Variants in ATP6V1H observed in about 807,000 individuals in gnomAD.
ATP6V1H encodes V-type proton ATPase subunit H.
ATP6V1H carries 39 observed loss-of-function variants against 71.7 expected under a neutral mutation model. The observed-to-expected ratio is 0.54, with a 90% CI of 0.42 to 0.71. The LOEUF is 0.71. Among genes scored for constraint, ATP6V1H ranks in the 30% least tolerant of loss-of-function variants. The pLI is 0.00. For synonymous variants in ATP6V1H, 192 were observed against 199.3 expected (o/e 0.96, Z 0.31); for missense variants, 509 against 594.9 (o/e 0.86, Z 1.50).
intron 9 of ATP6V1H, among the ~76,000 whole-genome samples, chr8:53,776,763 T>C (rs945544532): frequency 2.6e-5 from 4 of 152,088 alleles, no homozygotes; most frequent in African/African-American, 7.2e-5. Context: ...ATGTTGGAGT[T>C]TGCAGAAAAA....
At chr8:53,819,547 C>CATAGATAT (rs1810564943) in intron 4 of ATP6V1H, among the ~76,000 whole-genome samples, 1 of 35,136 alleles carries the variant, frequency 2.8e-5, no homozygotes, top group East Asian at 1.9e-3. Context: ...AAAAAAAAAG[C>CATAGATAT]ATATATATAT....
At chr8:53,820,362 G>A (rs1308302026) in intron 4 of ATP6V1H, among the ~76,000 whole-genome samples, 2 of 151,296 alleles carry the variant, frequency 1.3e-5, no homozygotes, top group Admixed American at 6.6e-5. Flanking sequence ...GAACAAAAGA[G>A]GAAACTTTAG....
At chr8:53,843,003 C>T (rs1811395113) in intron 1 of ATP6V1H, 31 bp downstream of exon 1, 1 of 152,348 alleles carries the variant, frequency 6.6e-6, no homozygotes. Context: ...GGTCTGCAGC[C>T]TGAGACCAAA....
At chr8:53,739,766 A>T (rs1361914081) in intron 13 of ATP6V1H, 1 of 152,236 alleles carries the variant, frequency 6.6e-6, no homozygotes, top group African/African-American at 2.4e-5. Flanking sequence ...AAAATCCAGC[A>T]CTGCACAAAA....
chr8:53,780,542 A>C (rs575514727), intron 9 of ATP6V1H, among the ~76,000 whole-genome samples: 18 of 151,264 alleles, frequency 1.2e-4, no homozygotes, highest in African/African-American at 4.1e-4. Context: ...TCTTTTTTTT[A>C]ATTTTATTAT....
At position 53,790,223 on chromosome 8, in the gene ATP6V1H, C is replaced by T. The variant is rs184082199; in HGVS notation, c.870+5424G>A. Reference sequence around the variant, plus strand: ...CATTCAGTAACTGGGCCAGTCTTTACCTCCAGGTTAACTTTTTCATTGGAT... The same window carrying T: ...CATTCAGTAACTGGGCCAGTCTTTATCTCCAGGTTAACTTTTTCATTGGAT... On this transcript the variant is annotated intron_variant, in intron 9 of 13. Transcript: ENST00000359530. 9.8e-5 allele frequency among the ~76,000 whole-genome samples: 15 copies of T among 152,310 alleles called. No individual in the cohort carries two copies. In the East Asian group the frequency reaches 1.3e-3, roughly 14 times the overall value.
chr8:53,821,728 G>T (rs1228872090), intron 4 of ATP6V1H, among the ~76,000 whole-genome samples: 1 of 151,996 alleles, frequency 6.6e-6, no homozygotes, highest in African/African-American at 2.4e-5. Flanking sequence ...CTTGAGTGAG[G>T]AGTATTATAA....
chr8:53,819,115 A>T (rs746361006), intron 4 of ATP6V1H, among the ~76,000 whole-genome samples: 9 of 152,076 alleles, frequency 5.9e-5, no homozygotes, highest in Non-Finnish European at 1.2e-4. Flanking sequence ...CGGAGGTGGG[A>T]GGATCACTTG....
intron 13 of ATP6V1H, among the ~76,000 whole-genome samples, chr8:53,739,283 T>C (rs1347146973): frequency 6.6e-6 from 1 of 152,244 alleles, no homozygotes; most frequent in Non-Finnish European, 1.5e-5. Flanking sequence ...AGAGGTTTTT[T>C]TTTCTTTAGT....
intron 11 of ATP6V1H, among the ~76,000 whole-genome samples, chr8:53,760,999 C>A (rs911625375): frequency 6.6e-6 from 1 of 151,994 alleles, no homozygotes; most frequent in Admixed American, 6.6e-5. Flanking sequence ...GACAAACAAA[C>A]AATAATTTCA....
At chr8:53,791,906 T>G (rs1489554183) in intron 9 of ATP6V1H, among the ~76,000 whole-genome samples, 2 of 152,168 alleles carry the variant, frequency 1.3e-5, no homozygotes, top group Admixed American at 1.3e-4. Flanking sequence ...CCCTGGCACA[T>G]ACATGGAACC....
intron 13 of ATP6V1H, among the ~76,000 whole-genome samples, chr8:53,731,843 C>A (rs1034211870): frequency 6.6e-6 from 1 of 152,246 alleles, no homozygotes; most frequent in Non-Finnish European, 1.5e-5. Flanking sequence ...GGGGGGGACT[C>A]CAGCCAGCTT....
At chr8:53,725,058 G>A (rs1159518718) in intron 13 of ATP6V1H, among the ~76,000 whole-genome samples, 1 of 152,126 alleles carries the variant, frequency 6.6e-6, no homozygotes, top group Non-Finnish European at 1.5e-5. Flanking sequence ...TATGGTTTGA[G>A]TATCTGTCCC....
At chr8:53,736,664 G>A (rs886690790) in intron 13 of ATP6V1H, among the ~76,000 whole-genome samples, 2 of 146,374 alleles carry the variant, frequency 1.4e-5, no homozygotes, top group Non-Finnish European at 3.0e-5. Context: ...AGAAAACCTC[G>A]GCACAAATGT....
chr8:53,736,353 G>A (rs72655177), intron 13 of ATP6V1H, among the ~76,000 whole-genome samples: 1 of 152,134 alleles, frequency 6.6e-6, no homozygotes, highest in East Asian at 1.9e-4. Context: ...TTATGTTTGT[G>A]GAAAGACTAA....
intron 4 of ATP6V1H, among the ~76,000 whole-genome samples, chr8:53,828,440 A>G (rs1408997145): frequency 6.6e-6 from 1 of 152,214 alleles, no homozygotes; most frequent in Non-Finnish European, 1.5e-5. Flanking sequence ...TAAGGATATG[A>G]GCAACCACGG....
chr8:53,797,439 A>G (rs751105815), intron 8 of ATP6V1H, among the ~76,000 whole-genome samples: 7 of 152,174 alleles, frequency 4.6e-5, no homozygotes, highest in Non-Finnish European at 1.0e-4. Context: ...GCACTAGCCA[A>G]CTGGCTCCCC....
chr8:53,824,100 T>G (rs1810751096), intron 4 of ATP6V1H, among the ~76,000 whole-genome samples: 1 of 151,844 alleles, frequency 6.6e-6, no homozygotes, highest in Non-Finnish European at 1.5e-5. Flanking sequence ...ATAAGATTAG[T>G]CTTCTATGAA....
At position 53,814,798 on chromosome 8, in the gene ATP6V1H, A is replaced by G. The variant is rs138441941; in HGVS notation, c.421-32T>C. On this transcript the variant is annotated intron_variant, in intron 5 of 13. Coordinates refer to ENST00000359530, the MANE Select transcript of ATP6V1H (RefSeq NM_015941.4). ...ACAAATAAGAGATACATTTAACGCA[A>G]CATTAATTCTAAAAATCACATCATA... is the stretch of plus-strand genomic sequence containing the variant. 4.3e-4 allele frequency: 633 copies of G among 1,457,426 alleles called. 2 individuals carry two copies. The African/African-American group carries it at 8.1e-3, about 19-fold the overall frequency. The allele number at this position is 1,457,426 out of a possible 1,614,324, so 90.3% of individuals were successfully genotyped here.
Sources: gnomAD v4.1 joint callset for allele counts (sites outside exome capture counted in the v4.1 genomes callset) on GRCh38, gnomAD v4.1.1 for gene constraint, MANE v1.5 for transcripts, NCBI Gene and HGNC (gene_info 2026-07-23, HGNC 2026-07-21) for gene names.